DGKK: variants seen among roughly 807,000 people sequenced by gnomAD.
The protein encoded by DGKK is diacylglycerol kinase kappa.
A neutral mutation model predicts 92.2 loss-of-function variants in DGKK; 35 were observed. The ratio of observed to expected loss-of-function variants is 0.38; its 90% confidence interval spans 0.29 to 0.50. The LOEUF is 0.50. DGKK is among the 20% of genes least tolerant of loss of function. The pLI is 0.92. For missense variants in DGKK, 910 were observed against 992.2 expected (o/e 0.92, Z 1.11); for synonymous variants, 368 against 360.6 (o/e 1.02, Z -0.23).
intron 4 of DGKK, among the ~76,000 whole-genome samples, chrX:50,420,018 C>A (rs1387384049): frequency 1.8e-5 from 2 of 111,881 alleles, no homozygotes; most frequent in African/African-American, 6.5e-5. Context: ...GTTCCTACCT[C>A]TTTCTGAGTC....
At chrX:50,395,167 A>G (rs1924814258) in intron 8 of DGKK, among the ~76,000 whole-genome samples, 1 of 111,488 alleles carries the variant, frequency 9.0e-6, no homozygotes, top group African/African-American at 3.3e-5. Flanking sequence ...GTCTTAAGAT[A>G]TTTAAAGAAA....
At chrX:50,433,882 C>T (rs1460919667) in intron 1 of DGKK, among the ~76,000 whole-genome samples, 2 of 111,276 alleles carry the variant, frequency 1.8e-5, no homozygotes, top group African/African-American at 6.6e-5. Context: ...TAACTTGGAC[C>T]CTGGTCCTCA....
intron 4 of DGKK, among the ~76,000 whole-genome samples, chrX:50,409,478 T>G (rs1384330059): frequency 1.8e-5 from 2 of 112,194 alleles, no homozygotes; most frequent in Admixed American, 1.9e-4. Flanking sequence ...CTTAGGAAAC[T>G]AGTACAGTAT....
chrX:50,447,330 A>G lies in DGKK; in HGVS notation c.645+22704T>C, dbSNP rs1341118885. Among the ~76,000 whole-genome samples the G allele has an allele frequency of 4.2e-3, 100 of 23,625 alleles. 4 individuals carry two copies. The highest frequency in any genetic ancestry group is 0.015 in the African/African-American group (87 of 5,874). The allele number at this position is 23,625 out of a possible 115,157, so 20.5% of individuals were successfully genotyped here. A position where few individuals can be genotyped will look rare whatever the true frequency, so the allele number is the denominator to read the frequency against. On this transcript the variant is annotated intron_variant, in intron 1 of 27. Transcript: ENST00000611977. ...AAGTAGTATGTGTGTGTGTATGTAT[A>G]TATATATATATATTATATATATATA...
In DGKK at chrX:50,384,721, G is replaced by A. The variant is rs782759880; in HGVS notation, c.2451C>T (p.Arg817=). The A allele has an allele frequency of 5.0e-6, 6 of 1,204,349 alleles. No homozygotes were observed. The highest frequency in any genetic ancestry group is 1.8e-5 in the South Asian group (1 of 55,906). Residue 817 remains arginine (R), a splice_region_variant and synonymous_variant, in exon 16 of 28, where the codon CGC becomes CGT. Coordinates refer to ENST00000611977, the MANE Select transcript of DGKK (RefSeq NM_001013742.4). ...GGAAGAAGACAGAAAGATCCTTACG[G>A]CGTCGTGGGCTTGTCTGGTTAATAT... The part of the protein sequence containing the change: ...PEDINQTSPR[R]RSRRGTLSSI...
intron 1 of DGKK, among the ~76,000 whole-genome samples, chrX:50,449,007 A>G (rs1450830921): frequency 9.0e-6 from 1 of 111,602 alleles, no homozygotes; most frequent in Non-Finnish European, 1.9e-5. Context: ...GGGGCAGGGT[A>G]AAGTAGAAGT....
chrX:50,467,914 A>G (rs1313357967), intron 1 of DGKK, among the ~76,000 whole-genome samples: 1 of 112,568 alleles, frequency 8.9e-6, no homozygotes, highest in Non-Finnish European at 1.9e-5. Flanking sequence ...GCCACTGATT[A>G]GTTAATCTGC....
Position 50,370,411 on chromosome X carries a change from G to A in DGKK, c.3736+15C>T. Reference sequence around the variant, plus strand: ...GGAAGTCTTCATGACCCCTCTGCCTGTGGGGGAGACTTACCAATAAAACTC... The same window carrying A: ...GGAAGTCTTCATGACCCCTCTGCCTATGGGGGAGACTTACCAATAAAACTC... On this transcript the variant is annotated intron_variant, in intron 27 of 27. Coordinates refer to ENST00000611977, the MANE Select transcript of DGKK (RefSeq NM_001013742.4). The A allele has an allele frequency of 2.5e-6, 3 of 1,184,279 alleles. No homozygotes were observed. The highest frequency in any genetic ancestry group is 2.5e-4 in the Middle Eastern group (1 of 4,031).
intron 4 of DGKK, among the ~76,000 whole-genome samples, chrX:50,409,605 C>T (rs782731464): frequency 8.9e-6 from 1 of 112,056 alleles, no homozygotes; most frequent in African/African-American, 3.2e-5. Flanking sequence ...AAGTAGTTTT[C>T]TTTAAAGCTT....
At chrX:50,390,281 C>T (rs1924652251) in intron 12 of DGKK, 47 bp downstream of exon 12, 5 of 1,145,020 alleles carry the variant, frequency 4.4e-6, no homozygotes, top group Non-Finnish European at 6.0e-6. Flanking sequence ...AATTATTTCA[C>T]TGAGTAATAA....
intron 14 of DGKK, among the ~76,000 whole-genome samples, chrX:50,386,938 A>G (rs1924560272): frequency 9.0e-6 from 1 of 111,210 alleles, no homozygotes; most frequent in African/African-American, 3.3e-5. Context: ...TTTCATGGGC[A>G]CGCTCCTCTG....
intron 1 of DGKK, among the ~76,000 whole-genome samples, chrX:50,465,886 T>C (rs1185936614): frequency 2.7e-5 from 3 of 110,763 alleles, no homozygotes; most frequent in African/African-American, 9.9e-5. Context: ...AATAAAAGGG[T>C]TAATAATGCA....
intron 25 of DGKK, 58 bp downstream of exon 25, chrX:50,374,913 C>T (rs1311923686): frequency 1.9e-6 from 2 of 1,061,926 alleles, no homozygotes; most frequent in African/African-American, 1.9e-5. Flanking sequence ...AGCACAAGAC[C>T]ATGACCATGT....
At chrX:50,389,178 C>T (rs1191860596) in intron 12 of DGKK, among the ~76,000 whole-genome samples, 1 of 112,260 alleles carries the variant, frequency 8.9e-6, no homozygotes, top group East Asian at 2.8e-4. Context: ...AGCCAGGATT[C>T]AATTCCAGGT....
chrX:50,461,941 G>A (rs978145796), intron 1 of DGKK, among the ~76,000 whole-genome samples: 2 of 111,384 alleles, frequency 1.8e-5, no homozygotes, highest in African/African-American at 6.5e-5. Flanking sequence ...ACATAATGGA[G>A]GATGGATCAC....
At position 50,389,229 on chromosome X, in the gene DGKK, C is replaced by G. The variant is rs782779493; in HGVS notation, c.1927-611G>C. Reference sequence around the variant, plus strand: ...TCTGTGCTCTTAATTACAACTTCTACTCCTTCCTCTCTATCACCCTTGACA... The same window carrying G: ...TCTGTGCTCTTAATTACAACTTCTAGTCCTTCCTCTCTATCACCCTTGACA... On this transcript the variant is annotated intron_variant, in intron 12 of 27. Coordinates refer to ENST00000611977, the MANE Select transcript of DGKK (RefSeq NM_001013742.4). 5.4e-5 allele frequency among the ~76,000 whole-genome samples: 6 copies of G among 111,972 alleles called. No individual in the cohort carries two copies. The Admixed American group carries it at 5.7e-4, about 11-fold the overall frequency.
At chrX:50,386,674 G>T in intron 14 of DGKK, 88 bp from the exon 15 acceptor site, 1 of 759,549 alleles carries the variant, frequency 1.3e-6, no homozygotes, top group Non-Finnish European at 1.9e-6. Context: ...TATGGGGAAG[G>T]GTAGGGAGGG....
At position 50,368,051 on chromosome X, in the gene DGKK, C is replaced by T. The variant is rs1167695841; in HGVS notation, c.*889G>A. The T allele has an allele frequency of 9.1e-6, 1 of 110,474 alleles. No individual in the cohort carries two copies. 9.1% of individuals were successfully genotyped at this position (110,474 alleles called of 1,213,427 possible). Reference sequence around the variant, plus strand: ...TAGAGGTCGAGTTGTATTTTCAGCTCTTAAAAATATATATGCGTATGTATA... The same window carrying T: ...TAGAGGTCGAGTTGTATTTTCAGCTTTTAAAAATATATATGCGTATGTATA... On this transcript the variant is annotated 3_prime_UTR_variant, in exon 28 of 28. Coordinates refer to ENST00000611977, the MANE Select transcript of DGKK (RefSeq NM_001013742.4).
intron 8 of DGKK, among the ~76,000 whole-genome samples, chrX:50,400,816 G>C (rs1924981582): frequency 9.0e-6 from 1 of 111,059 alleles, no homozygotes; most frequent in Non-Finnish European, 1.9e-5. Flanking sequence ...TTGTGACCGA[G>C]CTACAGAGAA....
Sources: gnomAD v4.1 joint callset for allele counts (sites outside exome capture counted in the v4.1 genomes callset) on GRCh38, gnomAD v4.1.1 for gene constraint, MANE v1.5 for transcripts, NCBI Gene and HGNC (gene_info 2026-07-23, HGNC 2026-07-21) for gene names.